Variants in MSI2 observed in about 807,000 individuals in gnomAD.
The protein encoded by MSI2 is RNA-binding protein Musashi homolog 2.
Under a neutral mutation model 45.6 loss-of-function variants are expected in MSI2, and 17 were observed. The observed-to-expected ratio is 0.37, with a 90% CI of 0.26 to 0.56. The LOEUF (loss-of-function observed/expected upper bound fraction) is 0.56, where lower values mean the gene tolerates loss of function less well. Ranked by LOEUF, MSI2 falls within the 20% of genes least tolerant of loss-of-function variation. MSI2 has a pLI of 0.77. For missense variants in MSI2, 293 were observed against 444.2 expected, an observed-to-expected ratio of 0.66 and a Z score of 3.06; for synonymous variants, 156 against 158.2, an observed-to-expected ratio of 0.99 and a Z score of 0.11.
intron 6 of MSI2, among the ~76,000 whole-genome samples, chr17:57,525,274 G>A (rs992055468): frequency 2.0e-5 from 3 of 151,870 alleles, no homozygotes; most frequent in Admixed American, 1.3e-4. Context: ...TGCTTTTTTG[G>A]GGGGGGCAGG....
In MSI2 at chr17:57,340,984, C is replaced by T. The variant is rs184319941; in HGVS notation, c.313-60395C>T. 9.2e-5 allele frequency among the ~76,000 whole-genome samples: 14 copies of T among 152,290 alleles called. No homozygotes were observed. In the East Asian group the frequency reaches 1.4e-3, roughly 15 times the overall value. On this transcript the variant is annotated intron_variant, in intron 5 of 13. Transcript: ENST00000284073. Reference sequence around the variant, plus strand: ...CGACCTGGGATCTGCATTGCTCCCCCGGTATCCATTCTGTCCTGGGGTGTG... The same window carrying T: ...CGACCTGGGATCTGCATTGCTCCCCTGGTATCCATTCTGTCCTGGGGTGTG...
intron 6 of MSI2, among the ~76,000 whole-genome samples, chr17:57,467,834 G>T (rs1370151733): frequency 6.7e-6 from 1 of 148,850 alleles, no homozygotes; most frequent in African/African-American, 2.5e-5. Context: ...GCATAGGGTT[G>T]CACGTATATG....
rs554552481 is a variant in MSI2, at chr17:57,484,317, C to T, written c.406-45359C>T. Among the ~76,000 whole-genome samples the T allele has an allele frequency of 6.4e-4, 98 of 152,318 alleles. 1 individual carries two copies. The highest frequency in any genetic ancestry group is 2.3e-3 in the African/African-American group (96 of 41,564). ...GTGAGTGGGTCCATGTCTGTACCTC[C>T]ACCCTTGGCTCCTTCGGGGGAAATG... On this transcript the variant is annotated intron_variant, in intron 6 of 13. Coordinates refer to ENST00000284073, the MANE Select transcript of MSI2 (RefSeq NM_138962.4).
At chr17:57,482,631 C>G (rs1375232106) in intron 6 of MSI2, among the ~76,000 whole-genome samples, 1 of 152,192 alleles carries the variant, frequency 6.6e-6, no homozygotes, top group Non-Finnish European at 1.5e-5. Flanking sequence ...TCTAGGGTCT[C>G]AGCATCTTCA....
chr17:57,469,087 T>C (rs974334777), intron 6 of MSI2, among the ~76,000 whole-genome samples: 1 of 152,124 alleles, frequency 6.6e-6, no homozygotes, highest in Non-Finnish European at 1.5e-5. Context: ...GGTAAAAGCC[T>C]CAGGAGACCA....
chr17:57,660,504 G>A (rs1911914964), intron 11 of MSI2, among the ~76,000 whole-genome samples: 2 of 152,222 alleles, frequency 1.3e-5, no homozygotes, highest in African/African-American at 2.4e-5. Flanking sequence ...GAAGTTCATG[G>A]ATAAATACTA....
intron 10 of MSI2, among the ~76,000 whole-genome samples, chr17:57,649,469 CCACATACACCCAACA>C (rs1164904720): frequency 2.0e-5 from 3 of 151,906 alleles, no homozygotes; most frequent in Non-Finnish European, 2.9e-5. Context: ...ACACACACAT[CCACATACACCCAACA>C]CACATACACC....
intron 7 of MSI2, among the ~76,000 whole-genome samples, chr17:57,593,303 C>T (rs1905002717): frequency 6.6e-6 from 1 of 152,328 alleles, no homozygotes; most frequent in African/African-American, 2.4e-5. Context: ...CAAATTACCA[C>T]AAACTTCGTG....
At chr17:57,545,069 G>C (rs920926938) in intron 7 of MSI2, among the ~76,000 whole-genome samples, 1 of 152,208 alleles carries the variant, frequency 6.6e-6, no homozygotes, top group Admixed American at 6.5e-5. Flanking sequence ...CACGTTTGGT[G>C]GGGGAGGTGG....
intron 6 of MSI2, among the ~76,000 whole-genome samples, chr17:57,473,715 G>T (rs2085484308): frequency 1.3e-5 from 2 of 152,156 alleles, no homozygotes; most frequent in South Asian, 4.1e-4. Context: ...GAGGATGTTT[G>T]GTTGCCCCTG....
intron 6 of MSI2, among the ~76,000 whole-genome samples, chr17:57,485,399 T>G (rs915580899): frequency 6.6e-6 from 1 of 152,226 alleles, no homozygotes; most frequent in African/African-American, 2.4e-5. Context: ...CATGTTGGCC[T>G]GTTGTTTAAT....
intron 8 of MSI2, among the ~76,000 whole-genome samples, chr17:57,604,103 C>G (rs969285339): frequency 2.0e-5 from 3 of 152,218 alleles, no homozygotes; most frequent in African/African-American, 7.2e-5. Flanking sequence ...GCCTCAAGTC[C>G]TCAGTGCTGA....
chr17:57,399,571 G>A (rs1231292204), intron 5 of MSI2, among the ~76,000 whole-genome samples: 1 of 150,370 alleles, frequency 6.7e-6, no homozygotes, highest in Non-Finnish European at 1.5e-5. Flanking sequence ...GAGCTACTAA[G>A]CTAAAGCAAG....
chr17:57,387,718 C>A (rs565609232), intron 5 of MSI2, among the ~76,000 whole-genome samples: 9 of 152,200 alleles, frequency 5.9e-5, no homozygotes, highest in African/African-American at 2.2e-4. Flanking sequence ...GTGTGTCATG[C>A]CTTTTCCAAG....
chr17:57,581,002 A>ATTTTTTT (rs1567914151), intron 7 of MSI2, among the ~76,000 whole-genome samples: 1 of 58,248 alleles, frequency 1.7e-5, no homozygotes, highest in Non-Finnish European at 3.6e-5. Flanking sequence ...TGAGGTCAGC[A>ATTTTTTT]TCTTTTTTTT....
intron 7 of MSI2, among the ~76,000 whole-genome samples, chr17:57,568,488 C>T (rs1455250152): frequency 6.6e-6 from 1 of 152,146 alleles, no homozygotes; most frequent in East Asian, 1.9e-4. Flanking sequence ...GGATATGAGG[C>T]CTGTAGAAGG....
At chr17:57,314,264 G>A (rs577996771) in intron 5 of MSI2, among the ~76,000 whole-genome samples, 28 of 152,204 alleles carry the variant, frequency 1.8e-4, no homozygotes, top group African/African-American at 6.7e-4. Context: ...TGTCAAGACC[G>A]TATCTCTAAA....
At chr17:57,290,333 A>T (rs1165611765) in intron 5 of MSI2, among the ~76,000 whole-genome samples, 1 of 152,210 alleles carries the variant, frequency 6.6e-6, no homozygotes, top group African/African-American at 2.4e-5. Flanking sequence ...TTTTAGAGAC[A>T]GAGTCTCCCT....
chr17:57,619,302 C>T (rs1331061648), intron 9 of MSI2, among the ~76,000 whole-genome samples: 1 of 152,216 alleles, frequency 6.6e-6, no homozygotes, highest in African/African-American at 2.4e-5. Flanking sequence ...CCTGGGTAGC[C>T]TTGGGACACA....
Sources: allele counts gnomAD v4.1 joint callset (sites outside exome capture counted in the v4.1 genomes callset), GRCh38; gene constraint gnomAD v4.1.1; transcripts MANE v1.5; gene names NCBI Gene and HGNC (gene_info 2026-07-23, HGNC 2026-07-21).